The following GALNT13 variants were observed in gnomAD, a reference collection of about 807,000 sequenced individuals.
GALNT13 encodes UDP-GalNAc:polypeptide N-acetylgalactosaminyltransferase 13.
In GALNT13, 28 loss-of-function variants were observed where a neutral mutation model predicts 64.2. That is an observed-to-expected ratio of 0.44 (90% CI 0.32 to 0.60). The LOEUF is 0.60. Ranked by LOEUF, GALNT13 falls within the 20% of genes least tolerant of loss-of-function variation. The pLI is 0.05. For missense variants in GALNT13, 577 were observed against 669.8 expected (o/e 0.86, Z 1.53); for synonymous variants, 214 against 224.6 (o/e 0.95, Z 0.42).
chr2:154,331,554 C>T (rs1695169961), intron 9 of GALNT13, among the ~76,000 whole-genome samples: 2 of 151,976 alleles, frequency 1.3e-5, no homozygotes, highest in Admixed American at 6.6e-5. Context: ...TCTACCTTAG[C>T]CTTCCAAAGT....
intron 4 of GALNT13, among the ~76,000 whole-genome samples, chr2:154,237,815 T>A (rs978141783): frequency 2.0e-5 from 3 of 151,794 alleles, no homozygotes; most frequent in Non-Finnish European, 4.4e-5. Context: ...TCATTCACTA[T>A]TTTTTCAAAA....
At chr2:153,206,233 A>G in the GALNT13 span, among the ~76,000 whole-genome samples, 4 of 152,210 alleles carry the variant, frequency 2.6e-5, no homozygotes, top group African/African-American at 7.2e-5. Flanking sequence ...TACTTTGCAC[A>G]GAATTTGGTG....
the GALNT13 span, among the ~76,000 whole-genome samples, chr2:153,498,829 C>T: frequency 6.6e-6 from 1 of 151,794 alleles, no homozygotes; most frequent in Non-Finnish European, 1.5e-5. Flanking sequence ...TTCAATCCTG[C>T]CATTTGGTGG....
At chr2:153,529,879 T>C in the GALNT13 span, among the ~76,000 whole-genome samples, 3 of 151,908 alleles carry the variant, frequency 2.0e-5, no homozygotes, top group African/African-American at 4.8e-5. Context: ...CCCTTCAAAC[T>C]AGGTACAGAA....
chr2:154,223,448 C>CTT (rs61230257), intron 4 of GALNT13, among the ~76,000 whole-genome samples: 25 of 124,300 alleles, frequency 2.0e-4, no homozygotes, highest in Non-Finnish European at 2.7e-4. Context: ...TTTTCTTTTT[C>CTT]TTTTTTTTTT....
the GALNT13 span, among the ~76,000 whole-genome samples, chr2:153,734,250 T>A: frequency 1.8e-3 from 277 of 152,286 alleles, 1 homozygote; most frequent in African/African-American, 6.3e-3. Flanking sequence ...AGTTTTCATG[T>A]GTTATAATGA....
the GALNT13 span, among the ~76,000 whole-genome samples, chr2:153,740,092 C>A: frequency 1.3e-5 from 2 of 152,024 alleles, no homozygotes; most frequent in East Asian, 3.9e-4. Context: ...TATTTAAGTT[C>A]TAATAATTAT....
chr2:154,304,227 T>A (rs1202159629), intron 9 of GALNT13, among the ~76,000 whole-genome samples: 3 of 152,172 alleles, frequency 2.0e-5, no homozygotes, highest in Non-Finnish European at 2.9e-5. Flanking sequence ...TAAAAAGCTA[T>A]TACGAGGAAC....
intron 3 of GALNT13, among the ~76,000 whole-genome samples, chr2:154,077,419 G>T (rs1013206793): frequency 2.6e-5 from 4 of 151,342 alleles, no homozygotes; most frequent in Non-Finnish European, 4.4e-5. Flanking sequence ...AATAGAATCA[G>T]GTAATTCCCA....
At chr2:154,428,722 A>G (rs1700576063) in intron 11 of GALNT13, among the ~76,000 whole-genome samples, 1 of 151,446 alleles carries the variant, frequency 6.6e-6, no homozygotes, top group African/African-American at 2.4e-5. Context: ...AATTCTCCCA[A>G]TATGTTAAAC....
At chr2:154,288,341 C>T (rs549961652) in intron 8 of GALNT13, among the ~76,000 whole-genome samples, 2 of 152,074 alleles carry the variant, frequency 1.3e-5, no homozygotes, top group African/African-American at 4.8e-5. Flanking sequence ...TGGGTGGAGA[C>T]AGAGCCAAAC....
chr2:153,380,740 T>C, the GALNT13 span, among the ~76,000 whole-genome samples: 16 of 152,136 alleles, frequency 1.1e-4, 1 homozygote, highest in Admixed American at 5.9e-4. Context: ...TTATGGTTAA[T>C]GGGGAATCAT....
At chr2:154,242,228 T>C in intron 5 of GALNT13, 32 bp downstream of exon 5, 16 of 1,594,402 alleles carry the variant, frequency 1.0e-5, no homozygotes, top group Non-Finnish European at 1.4e-5. Context: ...TTGTTTTTGT[T>C]TTTTTGTTTT....
At chr2:154,385,774 A>G (rs754568323) in intron 9 of GALNT13, among the ~76,000 whole-genome samples, 2 of 151,968 alleles carry the variant, frequency 1.3e-5, no homozygotes, top group Non-Finnish European at 2.9e-5. Context: ...TCCTCTTTCA[A>G]TAATGGTCCA....
At chr2:153,235,800 A>C in the GALNT13 span, among the ~76,000 whole-genome samples, 2,136 of 152,092 alleles carry the variant, frequency 0.014, 51 homozygotes, top group African/African-American at 0.049. Context: ...TATCTAACCA[A>C]CCTCATAAGT....
At chr2:153,258,283 C>A in the GALNT13 span, among the ~76,000 whole-genome samples, 2 of 152,056 alleles carry the variant, frequency 1.3e-5, no homozygotes, top group Non-Finnish European at 2.9e-5. Flanking sequence ...CAGTGGCTTC[C>A]CCCCACCCAC....
intron 4 of GALNT13, among the ~76,000 whole-genome samples, chr2:154,193,524 T>G (rs566990725): frequency 1.3e-5 from 2 of 152,320 alleles, no homozygotes; most frequent in South Asian, 4.1e-4. Context: ...TATTTCTCTG[T>G]AACTTTTCTC....
At chr2:154,009,539 C>T (rs1205886164) in intron 3 of GALNT13, among the ~76,000 whole-genome samples, 5 of 150,862 alleles carry the variant, frequency 3.3e-5, no homozygotes, top group Non-Finnish European at 1.5e-5. Context: ...CTCTGTTGCC[C>T]AAGTGCAGTG....
the GALNT13 span, among the ~76,000 whole-genome samples, chr2:153,572,829 G>C: frequency 3.3e-5 from 5 of 151,452 alleles, no homozygotes; most frequent in Admixed American, 2.6e-4. Context: ...TTCATTTTTT[G>C]AATGATTTAA....
Sources: gnomAD v4.1 joint callset for allele counts (sites outside exome capture counted in the v4.1 genomes callset) on GRCh38, gnomAD v4.1.1 for gene constraint, MANE v1.5 for transcripts, NCBI Gene and HGNC (gene_info 2026-07-23, HGNC 2026-07-21) for gene names.